The following FDFT1 variants were observed in gnomAD, a reference collection of about 807,000 sequenced individuals.
FDFT1 encodes farnesyl-diphosphate farnesyltransferase 1.
In FDFT1, 68 loss-of-function variants were observed where a neutral mutation model predicts 46.8. That is an observed-to-expected ratio of 1.45 (90% CI 1.19 to 1.78). FDFT1 has a LOEUF of 1.78. FDFT1 is among the 40% of genes most tolerant of loss of function. FDFT1 has a pLI of 0.00. For synonymous variants in FDFT1, 351 were observed against 185.1 expected, an observed-to-expected ratio of 1.90 and a Z score of -7.28; for missense variants, 928 against 524.4, an observed-to-expected ratio of 1.77 and a Z score of -7.52.
chr8:11,830,499 T>A, intron 6 of FDFT1, 79 bp downstream of exon 6: 1 of 969,956 alleles, frequency 1.0e-6, no homozygotes, highest in South Asian at 1.4e-5. Flanking sequence ...TGCTGTGCTA[T>A]ATTCAAGGAT....
chr8:11,803,353 A>T (rs977022545), intron 1 of FDFT1: 1 of 1,290,590 alleles, frequency 7.7e-7, no homozygotes, highest in African/African-American at 1.5e-5. Context: ...TTCTGGAATG[A>T]AGTCTGACTC....
At chr8:11,818,821 C>T (rs146971371) in intron 3 of FDFT1, among the ~76,000 whole-genome samples, 383 of 152,146 alleles carry the variant, frequency 2.5e-3, no homozygotes, top group Middle Eastern at 0.024. Flanking sequence ...TGCCAGTCTG[C>T]GTCTTTTAAC....
At position 11,834,785 on chromosome 8, in the gene FDFT1, C is replaced by T. The variant is rs762365322; in HGVS notation, c.1032+3115C>T. ...CTGCTGTATGTAGCACAGCATTGCACAAGAGCTTATTTCAGTCTAGTAAAC... is the reference window on the plus strand; with the variant it reads ...CTGCTGTATGTAGCACAGCATTGCATAAGAGCTTATTTCAGTCTAGTAAAC... On this transcript the variant is annotated intron_variant, in intron 7 of 7. Coordinates refer to ENST00000220584, the MANE Select transcript of FDFT1 (RefSeq NM_004462.5). Among the ~76,000 whole-genome samples, 113 of 152,188 alleles carry T rather than the reference C, an allele frequency of 7.4e-4. 2 individuals carry two copies. Among genetic ancestry groups the T allele is most frequent in the African/African-American group, 1.2e-4 (5 of 41,446 alleles).
chr8:11,831,396 C>G, intron 6 of FDFT1, 122 bp from the exon 7 acceptor site: 1 of 787,360 alleles, frequency 1.3e-6, no homozygotes, highest in Non-Finnish European at 2.1e-6. Context: ...TTGAGCGATT[C>G]CATCTTAGTT....
intron 3 of FDFT1, among the ~76,000 whole-genome samples, chr8:11,810,971 G>A (rs926564070): frequency 2.7e-5 from 4 of 148,372 alleles, no homozygotes; most frequent in African/African-American, 9.9e-5. Flanking sequence ...AATGTTTGGG[G>A]AAGACTCTTG....
intron 1 of FDFT1, chr8:11,803,483 C>G (rs950044850): frequency 4.8e-6 from 6 of 1,256,812 alleles, no homozygotes; most frequent in East Asian, 5.6e-5. Flanking sequence ...AATGAGTTAT[C>G]TAACGTCTAT....
chr8:11,800,514 G>C (rs1806011180), upstream of FDFT1, among the ~76,000 whole-genome samples: 1 of 152,098 alleles, frequency 6.6e-6, no homozygotes, highest in Non-Finnish European at 1.5e-5. Context: ...GTTTTTAAAA[G>C]AGGCAAAGGT....
At chr8:11,818,495 T>G (rs1204616199) in intron 3 of FDFT1, among the ~76,000 whole-genome samples, 1 of 152,212 alleles carries the variant, frequency 6.6e-6, no homozygotes, top group Non-Finnish European at 1.5e-5. Flanking sequence ...TGAGAGACTT[T>G]AAGTCTTTTT....
intron 5 of FDFT1, among the ~76,000 whole-genome samples, chr8:11,826,731 C>T (rs1193105658): frequency 2.0e-5 from 3 of 152,192 alleles, no homozygotes. Context: ...AGGAGAATCG[C>T]TTGAACCCAG....
upstream of FDFT1, chr8:11,798,029 T>C (rs1343839632): frequency 6.6e-6 from 1 of 152,242 alleles, no homozygotes; most frequent in Non-Finnish European, 1.5e-5. Flanking sequence ...TTCGAAGACA[T>C]TTCATTGGAG....
intron 2 of FDFT1, chr8:11,809,202 C>A: frequency 8.3e-7 from 1 of 1,208,484 alleles, no homozygotes; most frequent in South Asian, 2.3e-5. Context: ...CCTTATCCAA[C>A]TTTGCATTTC....
At chr8:11,810,510 A>C (rs112161266) in intron 3 of FDFT1, among the ~76,000 whole-genome samples, 2,101 of 152,314 alleles carry the variant, frequency 0.014, 42 homozygotes, top group African/African-American at 0.045. Context: ...TGAGAGGATT[A>C]ATTTCGCACA....
chr8:11,808,907 AGC>A lies in FDFT1; in HGVS notation c.197+19_197+20del. 6.2e-7 allele frequency: 1 copy of A among 1,610,970 alleles called. No individual in the cohort carries two copies. Among genetic ancestry groups the A allele is most frequent in the Non-Finnish European group, 8.5e-7 (1 of 1,178,638 alleles). On this transcript the variant is annotated intron_variant, in intron 2 of 7. Coordinates refer to ENST00000220584, the MANE Select transcript of FDFT1 (RefSeq NM_004462.5). The stretch of plus-strand genomic sequence containing the variant: ...GGGAAATGCGGTGAGTGATGGAGGC[AGC>A]GCCTCTGGCTTGGAGGAAAGCTTGT...
chr8:11,820,413 AGCCGTCTGCTGCCTTTTGTTTAGATAT>A (rs2130803792), intron 3 of FDFT1, among the ~76,000 whole-genome samples: 1 of 152,334 alleles, frequency 6.6e-6, no homozygotes, highest in African/African-American at 2.4e-5. Flanking sequence ...AATCTGCAGA[AGCCGTCTGCTGCCTTTTGTTTAGATAT>A]GCCCTGCCCC....
intron 7 of FDFT1, among the ~76,000 whole-genome samples, chr8:11,837,651 T>A (rs1811727843): frequency 6.6e-6 from 1 of 152,106 alleles, no homozygotes; most frequent in Non-Finnish European, 1.5e-5. Flanking sequence ...CAGGCTTTTT[T>A]TCTCCAGGTG....
intron 3 of FDFT1, among the ~76,000 whole-genome samples, chr8:11,811,626 C>T (rs1455287193): frequency 6.6e-6 from 1 of 152,132 alleles, no homozygotes; most frequent in Non-Finnish European, 1.5e-5. Context: ...ATGCTTAGTT[C>T]TGGAAGGTTT....
chr8:11,795,838 C>CCCA (rs1284614518), exon 1 of FDFT1: 3 of 152,762 alleles, frequency 2.0e-5, no homozygotes, highest in African/African-American at 7.2e-5. Flanking sequence ...AGACCACGAA[C>CCCA]CCACCAGAAG....
Position 11,826,168 on chromosome 8 carries a change from G to T in FDFT1, c.655G>T (p.Asp219Tyr). 1.3e-6 allele frequency: 2 copies of T among 1,593,594 alleles called. No individual in the cohort carries two copies. Among genetic ancestry groups the T allele is most frequent in the South Asian group, 1.1e-5 (1 of 89,306 alleles). The change falls in exon 5 of 8, where the codon GAC becomes TAC. Residue 219 changes from aspartate (D) to tyrosine (Y), a missense_variant. Transcript: ENST00000220584. The stretch of plus-strand genomic sequence containing the variant: ...TTTGCAGAAAACAAACATCATCCGT[G>T]ACTATCTGGAAGACCAGCAAGGAGG... ...LFLQKTNIIR[D>Y]YLEDQQGGRE...
chr8:11,801,916 C>G (rs751612930), upstream of FDFT1: 4 of 452,064 alleles, frequency 8.8e-6, no homozygotes, highest in East Asian at 2.1e-4. Context: ...GTCTCGATCT[C>G]TTGACCTCGT....
Sources: gnomAD v4.1 joint callset for allele counts (sites outside exome capture counted in the v4.1 genomes callset) on GRCh38, gnomAD v4.1.1 for gene constraint, MANE v1.5 for transcripts, NCBI Gene and HGNC (gene_info 2026-07-23, HGNC 2026-07-21) for gene names.